Variants in SYNDIG1 observed in about 807,000 individuals in gnomAD.
The protein encoded by SYNDIG1 is synapse differentiation inducing 1.
A neutral mutation model predicts 19.4 loss-of-function variants in SYNDIG1; 9 were observed. The ratio of observed to expected loss-of-function variants is 0.46; its 90% confidence interval spans 0.28 to 0.81. The LOEUF is 0.81. Ranked by LOEUF, SYNDIG1 falls within the 30% of genes least tolerant of loss-of-function variation. The pLI, the probability that SYNDIG1 is intolerant of heterozygous loss-of-function variation, is 0.12. For synonymous variants in SYNDIG1, 141 were observed against 145.9 expected (o/e 0.97, Z 0.24); for missense variants, 311 against 343.3 (o/e 0.91, Z 0.74).
intron 1 of SYNDIG1, among the ~76,000 whole-genome samples, chr20:24,484,617 G>T (rs887555197): frequency 2.0e-5 from 3 of 152,088 alleles, no homozygotes; most frequent in African/African-American, 7.2e-5. Context: ...AATAGATGTG[G>T]GATGGGAAGT....
At chr20:24,496,508 T>C (rs1275970389) in intron 1 of SYNDIG1, among the ~76,000 whole-genome samples, 1 of 152,224 alleles carries the variant, frequency 6.6e-6, no homozygotes, top group Non-Finnish European at 1.5e-5. Flanking sequence ...TATAGTGGAA[T>C]AAATGTGGGT....
chr20:24,631,849 T>C (rs2147297714), intron 3 of SYNDIG1, among the ~76,000 whole-genome samples: 1 of 152,370 alleles, frequency 6.6e-6, no homozygotes, highest in South Asian at 2.1e-4. Context: ...AATAAGCTTC[T>C]GTGGCTAGTT....
chr20:24,638,118 C>T lies in SYNDIG1; in HGVS notation c.619-27228C>T, dbSNP rs117010439. On this transcript the variant is annotated intron_variant, in intron 3 of 3. Transcript: ENST00000376862. Reference sequence around the variant, plus strand: ...ATGAGTTGCCCAAGTGAAGCGGGCACGGCTCACCTCTCAGTCACAGAGGAA... The same window carrying T: ...ATGAGTTGCCCAAGTGAAGCGGGCATGGCTCACCTCTCAGTCACAGAGGAA... 1.2e-4 allele frequency among the ~76,000 whole-genome samples: 18 copies of T among 152,308 alleles called. No homozygotes were observed. The East Asian group carries it at 2.1e-3, about 18-fold the overall frequency.
Position 24,469,994 on chromosome 20 carries a change from G to A in SYNDIG1, c.-79+241G>A, listed in dbSNP as rs1266247305. On this transcript the variant is annotated intron_variant, in intron 1 of 3. Coordinates refer to ENST00000376862, the MANE Select transcript of SYNDIG1 (RefSeq NM_024893.3). ...GTCGCAGGGCGGGAGGGGGAGCTGA[G>A]CCGGCAGAGAAAATGCCCAGGAAGG... 2.0e-5 allele frequency among the ~76,000 whole-genome samples: 3 copies of A among 152,318 alleles called. No individual in the cohort carries two copies. In the South Asian group the frequency reaches 6.2e-4, roughly 32 times the overall value.
chr20:24,484,777 T>G (rs915755981), intron 1 of SYNDIG1, among the ~76,000 whole-genome samples: 1 of 152,230 alleles, frequency 6.6e-6, no homozygotes, highest in Non-Finnish European at 1.5e-5. Context: ...CTAGATCTAT[T>G]TGTTTAACAT....
intron 1 of SYNDIG1, among the ~76,000 whole-genome samples, chr20:24,481,537 C>T (rs991880311): frequency 9.9e-5 from 15 of 152,252 alleles, no homozygotes; most frequent in African/African-American, 3.6e-4. Flanking sequence ...CACAGCCACT[C>T]TGGGTCAGCG....
chr20:24,522,271 T>G (rs905883331), intron 1 of SYNDIG1, among the ~76,000 whole-genome samples: 3 of 152,086 alleles, frequency 2.0e-5, no homozygotes, highest in Non-Finnish European at 4.4e-5. Context: ...AAAAATTTTT[T>G]GTAGAGATGG....
At chr20:24,570,600 T>C (rs1405958041) in intron 2 of SYNDIG1, among the ~76,000 whole-genome samples, 3 of 152,188 alleles carry the variant, frequency 2.0e-5, no homozygotes. Context: ...AAACCATGAT[T>C]ATATACCACT....
Position 24,544,188 on chromosome 20 carries a change from C to T in SYNDIG1, c.480+611C>T, listed in dbSNP as rs375110635. Among the ~76,000 whole-genome samples the T allele has an allele frequency of 3.3e-5, 5 of 152,334 alleles. No homozygotes were observed. In the East Asian group the frequency reaches 9.6e-4, roughly 29 times the overall value. On this transcript the variant is annotated intron_variant, in intron 2 of 3. Coordinates refer to ENST00000376862, the MANE Select transcript of SYNDIG1 (RefSeq NM_024893.3). ...TACATGCACAGAGATGTACACACTGCACGTTGGATATAGTGTGGTAGGCAC... is the reference window on the plus strand; with the variant it reads ...TACATGCACAGAGATGTACACACTGTACGTTGGATATAGTGTGGTAGGCAC...
intron 2 of SYNDIG1, among the ~76,000 whole-genome samples, chr20:24,553,872 G>A (rs981584650): frequency 3.3e-5 from 5 of 152,156 alleles, no homozygotes; most frequent in African/African-American, 9.7e-5. Flanking sequence ...TGATGGAGAT[G>A]CCATTGAATC....
At chr20:24,663,572 C>T (rs1160717151) in intron 3 of SYNDIG1, among the ~76,000 whole-genome samples, 1 of 152,172 alleles carries the variant, frequency 6.6e-6, no homozygotes, top group Non-Finnish European at 1.5e-5. Context: ...AGGGAGACCA[C>T]AACACACAAG....
chr20:24,573,007 TCCCAGCC>T (rs1334741352), intron 2 of SYNDIG1, among the ~76,000 whole-genome samples: 1 of 152,106 alleles, frequency 6.6e-6, no homozygotes, highest in African/African-American at 2.4e-5. Flanking sequence ...CTCCTCCACC[TCCCAGCC>T]CCCGTCCTGA....
At chr20:24,519,946 CTGAGTAGTGT>C (rs1384874903) in intron 1 of SYNDIG1, among the ~76,000 whole-genome samples, 9 of 152,204 alleles carry the variant, frequency 5.9e-5, no homozygotes, top group African/African-American at 2.2e-4. Flanking sequence ...AAGGAATTTT[CTGAGTAGTGT>C]TGCAGTCTGT....
chr20:24,644,690 C>T (rs190857218), intron 3 of SYNDIG1, among the ~76,000 whole-genome samples: 25 of 152,338 alleles, frequency 1.6e-4, no homozygotes, highest in Admixed American at 1.2e-3. Context: ...GTTATCTCAG[C>T]CCAGGAACCA....
rs563267976 is a variant in SYNDIG1, at chr20:24,520,123, G to A, written c.-78-22897G>A. On this transcript the variant is annotated intron_variant, in intron 1 of 3. Transcript: ENST00000376862. ...TCTGACCCTTGATGGAGTCCGACGG[G>A]GCTTTTCCCTGAGCATGCTTTTATG... 3.3e-5 allele frequency among the ~76,000 whole-genome samples: 5 copies of A among 151,944 alleles called. No individual in the cohort carries two copies. In the East Asian group the frequency reaches 9.7e-4, roughly 29 times the overall value.
At chr20:24,659,660 G>T (rs2059564438) in intron 3 of SYNDIG1, among the ~76,000 whole-genome samples, 1 of 152,166 alleles carries the variant, frequency 6.6e-6, no homozygotes, top group South Asian at 2.1e-4. Flanking sequence ...CCAGAGAGAA[G>T]GCAAAATCAG....
intron 2 of SYNDIG1, among the ~76,000 whole-genome samples, chr20:24,565,824 G>C (rs914785426): frequency 6.6e-6 from 1 of 152,066 alleles, no homozygotes; most frequent in Non-Finnish European, 1.5e-5. Flanking sequence ...GGGCTTTCCT[G>C]TCTTGGGAGT....
chr20:24,477,675 G>A (rs760206578), intron 1 of SYNDIG1, among the ~76,000 whole-genome samples: 1 of 152,142 alleles, frequency 6.6e-6, no homozygotes, highest in Non-Finnish European at 1.5e-5. Flanking sequence ...GAGGGGATGG[G>A]GTATACAGCA....
chr20:24,471,685 G>A (rs2055465193), intron 1 of SYNDIG1, among the ~76,000 whole-genome samples: 1 of 151,492 alleles, frequency 6.6e-6, no homozygotes. Context: ...GTTGTACACA[G>A]TGACAGACAG....
Sources: allele counts gnomAD v4.1 joint callset (sites outside exome capture counted in the v4.1 genomes callset), GRCh38; gene constraint gnomAD v4.1.1; transcripts MANE v1.5; gene names NCBI Gene and HGNC (gene_info 2026-07-23, HGNC 2026-07-21).